NTRK3: variants seen among roughly 807,000 people sequenced by gnomAD.
NTRK3 encodes NT-3 growth factor receptor.
A neutral mutation model predicts 91.7 loss-of-function variants in NTRK3; 24 were observed. The ratio of observed to expected loss-of-function variants is 0.26; its 90% CI spans 0.19 to 0.37. The LOEUF (loss-of-function observed/expected upper bound fraction) is 0.37, where lower values mean the gene tolerates loss of function less well. NTRK3 is among the 10% of genes least tolerant of loss of function. The pLI, the probability that NTRK3 is intolerant of heterozygous loss-of-function variation, is 1.00. For missense variants in NTRK3, 880 were observed against 1,068.9 expected (o/e 0.82, Z 2.46); for synonymous variants, 483 against 404.0 (o/e 1.20, Z -2.34).
intron 13 of NTRK3, among the ~76,000 whole-genome samples, chr15:88,113,663 G>A (rs1254424357): frequency 6.6e-6 from 1 of 152,054 alleles, no homozygotes. Context: ...CTGAAACTAT[G>A]GCCTGCAGGC....
chr15:88,096,028 C>T (rs2049557586), intron 13 of NTRK3, among the ~76,000 whole-genome samples: 1 of 152,194 alleles, frequency 6.6e-6, no homozygotes, highest in African/African-American at 2.4e-5. Flanking sequence ...TATCTTTCTT[C>T]TATTGTGTGT....
chr15:87,906,714 C>T (rs968937983), intron 17 of NTRK3, among the ~76,000 whole-genome samples: 7 of 152,086 alleles, frequency 4.6e-5, no homozygotes, highest in Admixed American at 2.6e-4. Flanking sequence ...TTAAGCAATG[C>T]GATTGCTTTG....
intron 3 of NTRK3, among the ~76,000 whole-genome samples, chr15:88,195,997 A>G (rs891498982): frequency 1.3e-5 from 2 of 152,214 alleles, no homozygotes; most frequent in African/African-American, 4.8e-5. Flanking sequence ...AACTACCCGC[A>G]TGGAGGACTT....
At chr15:88,189,724 G>A (rs552269279) in intron 3 of NTRK3, among the ~76,000 whole-genome samples, 8 of 152,226 alleles carry the variant, frequency 5.3e-5, no homozygotes, top group Admixed American at 2.0e-4. Context: ...GATTACAGGC[G>A]TGAGCCACCA....
chr15:88,074,376 A>T (rs75939798), intron 13 of NTRK3, among the ~76,000 whole-genome samples: 2,639 of 152,282 alleles, frequency 0.017, 77 homozygotes, highest in African/African-American at 0.059. Flanking sequence ...AAATGTGGCT[A>T]CTTCTTCTGA....
rs1419740576 is a variant in NTRK3, at chr15:88,193,415, T to G, written c.249-9116A>C. Among the ~76,000 whole-genome samples, 4 of 152,066 alleles carry G rather than the reference T, an allele frequency of 2.6e-5. No homozygotes were observed. The East Asian group carries it at 7.7e-4, about 29-fold the overall frequency. ...CTCCCAGGCCCAGGTCTCAGCTTGA[T>G]GTCCACTGTCAGGGTCAGCAGTGGG... On this transcript the variant is annotated intron_variant, in intron 3 of 18. Transcript: ENST00000394480.
intron 13 of NTRK3, among the ~76,000 whole-genome samples, chr15:88,122,253 T>C (rs749111427): frequency 2.6e-5 from 4 of 152,128 alleles, no homozygotes; most frequent in African/African-American, 4.8e-5. Flanking sequence ...TACATATAGG[T>C]AGAAGTATGA....
At chr15:88,068,578 C>G (rs1217124862) in intron 13 of NTRK3, among the ~76,000 whole-genome samples, 1 of 152,182 alleles carries the variant, frequency 6.6e-6, no homozygotes, top group African/African-American at 2.4e-5. Context: ...ATATAGGGCT[C>G]AGAAAGGATA....
chr15:88,041,894 T>TC (rs906968233), intron 13 of NTRK3, among the ~76,000 whole-genome samples: 10 of 141,092 alleles, frequency 7.1e-5, no homozygotes, highest in African/African-American at 2.6e-4. Flanking sequence ...AAATGCCTCC[T>TC]CCCCACTCTC....
At chr15:88,179,935 G>A (rs1158712147) in intron 5 of NTRK3, among the ~76,000 whole-genome samples, 1 of 152,202 alleles carries the variant, frequency 6.6e-6, no homozygotes, top group Non-Finnish European at 1.5e-5. Flanking sequence ...CACCAGAGAG[G>A]TGGGCTCCAC....
At chr15:88,084,140 G>T (rs1213655579) in intron 13 of NTRK3, among the ~76,000 whole-genome samples, 1 of 150,484 alleles carries the variant, frequency 6.6e-6, no homozygotes, top group African/African-American at 2.5e-5. Flanking sequence ...TTCGAAACAG[G>T]AAATCATACT....
At chr15:88,153,097 C>T (rs980130833) in intron 5 of NTRK3, among the ~76,000 whole-genome samples, 4 of 152,194 alleles carry the variant, frequency 2.6e-5, no homozygotes, top group African/African-American at 9.7e-5. Flanking sequence ...CCTGCAAGCT[C>T]CCAGGGTCTG....
intron 13 of NTRK3, among the ~76,000 whole-genome samples, chr15:88,103,986 T>C (rs746196237): frequency 2.0e-5 from 3 of 152,232 alleles, no homozygotes. Context: ...TTTTCTGTGC[T>C]ACTAAACTTC....
chr15:88,155,259 T>C (rs146551569), intron 5 of NTRK3, among the ~76,000 whole-genome samples: 30 of 152,308 alleles, frequency 2.0e-4, no homozygotes, highest in Middle Eastern at 3.4e-3. Flanking sequence ...GGGACCCATG[T>C]GACTAATGAA....
At chr15:87,933,783 G>A (rs2069014534) in intron 15 of NTRK3, among the ~76,000 whole-genome samples, 1 of 152,206 alleles carries the variant, frequency 6.6e-6, no homozygotes, top group Non-Finnish European at 1.5e-5. Flanking sequence ...TTTGGAGGAA[G>A]CAATAGGGTG....
At chr15:87,979,100 G>T in intron 14 of NTRK3, 1 of 591,704 alleles carries the variant, frequency 1.7e-6, no homozygotes, top group Non-Finnish European at 3.0e-6. Context: ...ATAGTGGCAG[G>T]AGCTGCCTCG....
intron 3 of NTRK3, among the ~76,000 whole-genome samples, chr15:88,253,915 T>A (rs1199517855): frequency 6.6e-6 from 1 of 152,202 alleles, no homozygotes; most frequent in East Asian, 1.9e-4. Context: ...CTCTGCCCTA[T>A]GAAACTGCTT....
rs569807550 is a variant in NTRK3 at position 88,240,105 on chromosome 15, G to A, written c.248+15801C>T. 6.6e-5 allele frequency among the ~76,000 whole-genome samples: 10 copies of A among 151,906 alleles called. No homozygotes were observed. In the South Asian group the frequency reaches 1.7e-3, roughly 25 times the overall value. ...AAGGTTCCCACGCACCTGTGTGCAG[G>A]AGCACAGCCCCCCTCCCCTCCCCCA... On this transcript the variant is annotated intron_variant, in intron 3 of 18. Transcript: ENST00000394480. The surrounding 1 kb of genome is among the most constrained non-coding windows in gnomAD (Gnocchi z 4.9).
intron 14 of NTRK3, among the ~76,000 whole-genome samples, chr15:87,950,524 G>A (rs532020599): frequency 9.2e-5 from 14 of 152,320 alleles, no homozygotes; most frequent in African/African-American, 3.4e-4. Flanking sequence ...ATCAGAGTAA[G>A]GGGACTGAGA....
Sources: allele counts gnomAD v4.1 joint callset (sites outside exome capture counted in the v4.1 genomes callset), GRCh38; gene constraint gnomAD v4.1.1; non-coding constraint Gnocchi (gnomAD v3.1); transcripts MANE v1.5; gene names NCBI Gene and HGNC (gene_info 2026-07-23, HGNC 2026-07-21).